Variants in PDGFRA observed in about 807,000 individuals in gnomAD.
The protein encoded by PDGFRA is platelet-derived growth factor receptor alpha.
In PDGFRA, 25 loss-of-function variants were observed where a neutral mutation model predicts 121.5. The observed-to-expected ratio is 0.21, with a 90% CI of 0.15 to 0.29. The LOEUF (loss-of-function observed/expected upper bound fraction) is 0.29, where lower values mean the gene tolerates loss of function less well. Ranked by LOEUF, PDGFRA falls within the 10% of genes least tolerant of loss-of-function variation. The pLI, the probability that PDGFRA is intolerant of heterozygous loss-of-function variation, is 1.00. For missense variants in PDGFRA, 1,008 were observed against 1,345.1 expected (o/e 0.75, Z 3.92); for synonymous variants, 463 against 494.8 (o/e 0.94, Z 0.85).
intron 1 of PDGFRA, among the ~76,000 whole-genome samples, chr4:54,232,005 C>T (rs1203113700): frequency 6.6e-6 from 1 of 152,236 alleles, no homozygotes; most frequent in East Asian, 1.9e-4. Flanking sequence ...GTGGGCGGCG[C>T]GCAGCGGCGG....
At chr4:54,274,455 C>T (rs2110295423) in intron 10 of PDGFRA, 76 bp from the exon 11 acceptor site, 3 of 1,053,352 alleles carry the variant, frequency 2.8e-6, no homozygotes, top group Non-Finnish European at 3.0e-6. Flanking sequence ...GGCTCAGACA[C>T]AGCCACACTA....
chr4:54,248,818 T>A (rs1211899560), intron 1 of PDGFRA, among the ~76,000 whole-genome samples: 2 of 152,124 alleles, frequency 1.3e-5, no homozygotes, highest in Non-Finnish European at 2.9e-5. Context: ...AACCTACTCA[T>A]CTGACAAAGG....
At chr4:54,251,007 G>A (rs1036369471) in intron 1 of PDGFRA, among the ~76,000 whole-genome samples, 2 of 149,762 alleles carry the variant, frequency 1.3e-5, no homozygotes, top group African/African-American at 2.5e-5. Context: ...AGAGGTTGCA[G>A]TGAGCTGAGA....
intron 22 of PDGFRA, among the ~76,000 whole-genome samples, chr4:54,294,490 C>T (rs549016342): frequency 6.6e-6 from 1 of 152,244 alleles, no homozygotes; most frequent in East Asian, 1.9e-4. Flanking sequence ...TTGAAGTTCA[C>T]GTTCAAGTTA....
intron 1 of PDGFRA, among the ~76,000 whole-genome samples, chr4:54,250,379 G>A (rs539766022): frequency 6.6e-6 from 1 of 152,136 alleles, no homozygotes; most frequent in East Asian, 1.9e-4. Context: ...TAGATATTAG[G>A]TCCCCTAAAG....
chr4:54,233,619 C>T (rs751973029), intron 1 of PDGFRA, among the ~76,000 whole-genome samples: 5 of 152,248 alleles, frequency 3.3e-5, no homozygotes, highest in Non-Finnish European at 7.3e-5. Context: ...CCAGTGGACT[C>T]CTCGCAGGCT....
chr4:54,295,244 C>T lies in PDGFRA; in HGVS notation c.3242C>T (p.Ser1081Leu), dbSNP rs1724828300. The T allele has an allele frequency of 6.2e-7, 1 of 1,613,928 alleles. No individual in the cohort carries two copies. The change falls in exon 23 of 23, where the codon TCA becomes TTA. Residue 1081 changes from serine (S) to leucine (L), a missense_variant. By Grantham distance (145) the Ser-to-Leu change is moderately radical. Transcript: ENST00000257290. ...DMMDDIGIDSSDLVEDSFL is the reference protein window; with the variant it reads ...DMMDDIGIDSLDLVEDSFL ...ATGGATGACATCGGCATAGACTCTT[C>T]AGACCTGGTGGAAGACAGCTTCCTG... is the stretch of plus-strand genomic sequence containing the variant.
chr4:54,250,185 C>G (rs1393493287), intron 1 of PDGFRA, among the ~76,000 whole-genome samples: 2 of 152,158 alleles, frequency 1.3e-5, no homozygotes, highest in Non-Finnish European at 2.9e-5. Context: ...CAAGTCTCCC[C>G]TATATCAATG....
chr4:54,280,347 G>A lies in PDGFRA; in HGVS notation c.2188G>A (p.Asp730Asn), dbSNP rs2110323510. Residue 730 changes from aspartate to asparagine, a missense_variant, in exon 16 of 23, where the codon GAC (aspartate) becomes AAC (asparagine). By Grantham distance (23) the Asp-to-Asn change is conservative. This residue lies in a region of PDGFRA where 128 missense variants were observed against 147.6 expected (regional missense o/e 0.87). Coordinates refer to ENST00000257290, the MANE Select transcript of PDGFRA (RefSeq NM_006206.6). The part of the protein sequence containing the change: ...YVILSFENNG[D>N]YMDMKQADTT... The stretch of plus-strand genomic sequence containing the variant: ...TATTTTATCTTTTGAAAACAATGGT[G>A]ACTACATGGACATGAAGCAGGCTGA... The A allele has an allele frequency of 6.2e-7, 1 of 1,613,574 alleles. No individual in the cohort carries two copies. Among genetic ancestry groups the A allele is most frequent in the African/African-American group, 1.3e-5 (1 of 75,028 alleles).
chr4:54,277,549 A>T, intron 13 of PDGFRA, 57 bp downstream of exon 13: 1 of 1,119,600 alleles, frequency 8.9e-7, no homozygotes, highest in Non-Finnish European at 1.4e-6. Context: ...GCATGGGGAT[A>T]TTAAGGGAAT....
chr4:54,257,099 G>T (rs1386443707), intron 1 of PDGFRA, among the ~76,000 whole-genome samples: 1 of 152,182 alleles, frequency 6.6e-6, no homozygotes, highest in Non-Finnish European at 1.5e-5. Flanking sequence ...CCAAAACCAA[G>T]ACGGTGATGA....
intron 7 of PDGFRA, 33 bp from the exon 8 acceptor site, chr4:54,270,600 C>A (rs1195232600): frequency 6.9e-6 from 8 of 1,153,696 alleles, no homozygotes; most frequent in African/African-American, 4.5e-5. Flanking sequence ...TACTTAGCTA[C>A]TGCTTGTTGA....
At chr4:54,289,851 TGA>T (rs1724537659) in intron 21 of PDGFRA, among the ~76,000 whole-genome samples, 1 of 152,234 alleles carries the variant, frequency 6.6e-6, no homozygotes, top group South Asian at 2.1e-4. Flanking sequence ...AAAGATGCTC[TGA>T]CTGGTGGAAA....
chr4:54,243,793 G>A (rs1478973812), intron 1 of PDGFRA: 1 of 152,462 alleles, frequency 6.6e-6, no homozygotes, highest in Non-Finnish European at 1.5e-5. Flanking sequence ...CAAGGAGTCA[G>A]GGAGTTCCCT....
chr4:54,266,416 T>G (rs537622388), intron 5 of PDGFRA, among the ~76,000 whole-genome samples: 1 of 150,528 alleles, frequency 6.6e-6, no homozygotes, highest in Admixed American at 6.6e-5. Context: ...TTTTTCTTTT[T>G]TTTTTTTGTT....
chr4:54,285,501 C>CACA lies in PDGFRA; in HGVS notation c.2439+16_2439+18dup. On this transcript the variant is annotated intron_variant, in intron 17 of 22. Transcript: ENST00000257290. ...CTTCAAAAAATGTAAGTTCAAGGAA[C>CACA]ACAGACCTTTTTAGACCCAGATTTC... The CACA allele has an allele frequency of 8.9e-7, 1 of 1,119,354 alleles. No individual in the cohort carries two copies. Among genetic ancestry groups the CACA allele is most frequent in the South Asian group, 1.2e-5 (1 of 81,172 alleles). The allele number at this position is 1,119,354 out of a possible 1,614,324, so 69.3% of individuals were successfully genotyped here. A position where few individuals can be genotyped will look rare whatever the true frequency, so the allele number is the denominator to read the frequency against.
At chr4:54,243,809 A>C (rs1271568902) in intron 1 of PDGFRA, 1 of 152,374 alleles carries the variant, frequency 6.6e-6, no homozygotes, top group Non-Finnish European at 1.5e-5. Flanking sequence ...TCCCTTTCCT[A>C]GTCAAAGAAA....
Position 54,245,660 on chromosome 4 carries a change from G to A in PDGFRA, c.-12-13097G>A, listed in dbSNP as rs868712187. On this transcript the variant is annotated intron_variant, in intron 1 of 22. Coordinates refer to ENST00000257290, the MANE Select transcript of PDGFRA (RefSeq NM_006206.6). ...CTAGGAAGAAACTGCATCAACTAAC[G>A]AGCAAAATAACCAGCTAACATCATA... 5.0e-3 allele frequency among the ~76,000 whole-genome samples: 753 copies of A among 151,878 alleles called. 3 individuals carry two copies. Among genetic ancestry groups the A allele is most frequent in the African/African-American group, 0.017 (698 of 41,502 alleles).
chr4:54,268,846 G>A lies in PDGFRA; in HGVS notation c.1121+1105G>A, dbSNP rs200412933. On this transcript the variant is annotated intron_variant, in intron 7 of 22. Transcript: ENST00000257290. ...CTGGTACAGCTAACACCTCCAACAC[G>A]TGTGTGAGCACTGTCTGCAAGCCAT... 1.1e-4 allele frequency among the ~76,000 whole-genome samples: 16 copies of A among 152,306 alleles called. No homozygotes were observed. In the East Asian group the frequency reaches 3.1e-3, roughly 29 times the overall value.
Sources: allele counts gnomAD v4.1 joint callset (sites outside exome capture counted in the v4.1 genomes callset), GRCh38; gene constraint gnomAD v4.1.1; regional missense constraint gnomAD v4.1.1; transcripts MANE v1.5; gene names NCBI Gene and HGNC (gene_info 2026-07-23, HGNC 2026-07-21).